DPP6: variants seen among roughly 807,000 people sequenced by gnomAD.
The protein encoded by DPP6 is A-type potassium channel modulatory protein DPP6.
A neutral mutation model predicts 122.6 loss-of-function variants in DPP6; 69 were observed. That is an observed-to-expected ratio of 0.56 (90% CI 0.46 to 0.69). The LOEUF (loss-of-function observed/expected upper bound fraction) is 0.69. Among genes scored for constraint, DPP6 ranks in the 30% least tolerant of loss-of-function variants. DPP6 has a pLI of 0.00. For missense variants in DPP6, 928 were observed against 1,116.9 expected (o/e 0.83, Z 2.41); for synonymous variants, 418 against 433.1 (o/e 0.97, Z 0.43).
the DPP6 span, among the ~76,000 whole-genome samples, chr7:153,864,419 C>T: frequency 6.6e-6 from 1 of 152,032 alleles, no homozygotes; most frequent in East Asian, 1.9e-4. Flanking sequence ...CTTTGAGAGG[C>T]TGAGGCAGGT....
At chr7:154,507,389 T>G (rs1825744791) in intron 3 of DPP6, among the ~76,000 whole-genome samples, 1 of 152,204 alleles carries the variant, frequency 6.6e-6, no homozygotes, top group African/African-American at 2.4e-5. Context: ...CATCTATGTT[T>G]TAAGCCCTGC....
intron 1 of DPP6, among the ~76,000 whole-genome samples, chr7:153,943,579 C>G (rs1801797825): frequency 6.6e-6 from 1 of 152,222 alleles, no homozygotes; most frequent in African/African-American, 2.4e-5. Context: ...GATTTACTTT[C>G]TAATGACGTG....
chr7:154,842,288 T>C (rs1801614448), intron 16 of DPP6, among the ~76,000 whole-genome samples: 1 of 152,250 alleles, frequency 6.6e-6, no homozygotes, highest in South Asian at 2.1e-4. Flanking sequence ...TAGCTGCTGG[T>C]TGGAAATTAT....
At chr7:153,849,077 T>A in the DPP6 span, among the ~76,000 whole-genome samples, 3 of 152,192 alleles carry the variant, frequency 2.0e-5, no homozygotes, top group African/African-American at 7.2e-5. Context: ...CTGTAGGAAT[T>A]CATTGAGCAT....
At chr7:154,473,992 G>A (rs1299402513) in intron 2 of DPP6, among the ~76,000 whole-genome samples, 1 of 152,166 alleles carries the variant, frequency 6.6e-6, no homozygotes, top group African/African-American at 2.4e-5. Flanking sequence ...AAGAGGGCAG[G>A]GAAGTAAATA....
chr7:154,392,347 C>G (rs921885264), intron 1 of DPP6, among the ~76,000 whole-genome samples: 4 of 152,200 alleles, frequency 2.6e-5, no homozygotes, highest in African/African-American at 9.6e-5. Context: ...AGTGATTTAA[C>G]CTGAACCCAT....
At chr7:154,415,795 C>T (rs2151216049) in intron 1 of DPP6, among the ~76,000 whole-genome samples, 1 of 150,340 alleles carries the variant, frequency 6.7e-6, no homozygotes, top group South Asian at 2.2e-4. Context: ...AGTCATTTTC[C>T]CCGTTACAGA....
At chr7:154,091,105 AGCAAG>A (rs924788830) in intron 1 of DPP6, among the ~76,000 whole-genome samples, 11 of 148,472 alleles carry the variant, frequency 7.4e-5, no homozygotes, top group Middle Eastern at 3.5e-3. Context: ...TGGGCAACAG[AGCAAG>A]ACTCCTTCTC....
intron 4 of DPP6, among the ~76,000 whole-genome samples, chr7:154,562,082 A>G (rs1319568986): frequency 6.6e-6 from 1 of 152,154 alleles, no homozygotes; most frequent in Non-Finnish European, 1.5e-5. Flanking sequence ...ATATATTTCC[A>G]AAATTCATTT....
At chr7:153,938,469 AT>A (rs1414086560) in intron 1 of DPP6, among the ~76,000 whole-genome samples, 2 of 152,244 alleles carry the variant, frequency 1.3e-5, no homozygotes, top group African/African-American at 2.4e-5. Flanking sequence ...AGAAGTTGAC[AT>A]TTAGATCTTT....
chr7:154,840,440 G>C (rs1801431800), intron 16 of DPP6, among the ~76,000 whole-genome samples: 1 of 152,202 alleles, frequency 6.6e-6, no homozygotes, highest in African/African-American at 2.4e-5. Context: ...CCTGTCCCGT[G>C]TCCAGGTCTG....
intron 1 of DPP6, among the ~76,000 whole-genome samples, chr7:154,164,245 C>T (rs943566929): frequency 2.0e-5 from 3 of 148,234 alleles, no homozygotes; most frequent in African/African-American, 5.0e-5. Flanking sequence ...CCCCTCCCCT[C>T]GCCTCCTTCT....
chr7:154,336,834 T>C (rs1180713721), intron 1 of DPP6, among the ~76,000 whole-genome samples: 1 of 152,082 alleles, frequency 6.6e-6, no homozygotes, highest in Non-Finnish European at 1.5e-5. Flanking sequence ...GCAGGCTCCA[T>C]GCAGAGCAGG....
intron 1 of DPP6, among the ~76,000 whole-genome samples, chr7:154,290,411 G>A (rs150567309): frequency 7.9e-5 from 12 of 152,030 alleles, no homozygotes; most frequent in African/African-American, 2.9e-4. Flanking sequence ...TTTTATTTTT[G>A]CAGAGTCGAT....
At chr7:153,829,085 C>T in the DPP6 span, among the ~76,000 whole-genome samples, 1 of 152,140 alleles carries the variant, frequency 6.6e-6, no homozygotes, top group Non-Finnish European at 1.5e-5. Context: ...CAAAGGCAGG[C>T]CCAGGAGCCA....
chr7:154,484,560 T>C (rs1050450341), intron 3 of DPP6, among the ~76,000 whole-genome samples: 2 of 152,192 alleles, frequency 1.3e-5, no homozygotes, highest in Non-Finnish European at 2.9e-5. Flanking sequence ...CCTGATTAAC[T>C]TGTCTGCTAG....
At chr7:154,801,498 C>A in intron 13 of DPP6, 36 bp downstream of exon 13, 2 of 1,537,650 alleles carry the variant, frequency 1.3e-6, no homozygotes, top group Non-Finnish European at 1.8e-6. Flanking sequence ...GAACTAGAAA[C>A]TGGCCTGCTA....
At chr7:154,719,575 G>A (rs1223166836) in intron 7 of DPP6, among the ~76,000 whole-genome samples, 1 of 152,140 alleles carries the variant, frequency 6.6e-6, no homozygotes, top group African/African-American at 2.4e-5. Flanking sequence ...CCACTGCCCT[G>A]ACACAGACCT....
rs552550741 is a variant in DPP6 at position 154,756,850 on chromosome 7, T to C, written c.884-12567T>C. Among the ~76,000 whole-genome samples the C allele has an allele frequency of 2.0e-5, 3 of 152,182 alleles. No individual in the cohort carries two copies. In the South Asian group the frequency reaches 6.2e-4, roughly 32 times the overall value. ...ATTAGGCCCGCCACAATCAAAGCTG[T>C]CGTTCCCTTCTCCATCCCTCACGGC... is the stretch of plus-strand genomic sequence containing the variant. On this transcript the variant is annotated intron_variant, in intron 8 of 25. Transcript: ENST00000377770.
Sources: gnomAD v4.1 joint callset for allele counts (sites outside exome capture counted in the v4.1 genomes callset) on GRCh38, gnomAD v4.1.1 for gene constraint, MANE v1.5 for transcripts, NCBI Gene and HGNC (gene_info 2026-07-23, HGNC 2026-07-21) for gene names.